The following PLEKHA8 variants were observed in gnomAD, a reference collection of about 807,000 sequenced individuals.
PLEKHA8 encodes pleckstrin homology domain containing A8.
PLEKHA8 carries 36 observed loss-of-function variants against 68.2 expected under a neutral mutation model. That is an observed-to-expected ratio of 0.53 (90% CI 0.40 to 0.70). PLEKHA8 has a LOEUF of 0.70. Among genes scored for constraint, PLEKHA8 ranks in the 30% least tolerant of loss-of-function variants. The pLI is 0.00. For synonymous variants in PLEKHA8, 211 were observed against 216.1 expected (o/e 0.98, Z 0.20); for missense variants, 505 against 615.4 (o/e 0.82, Z 1.90).
chr7:30,077,416 C>T (rs2127998331), intron 13 of PLEKHA8, among the ~76,000 whole-genome samples: 1 of 151,972 alleles, frequency 6.6e-6, no homozygotes, highest in East Asian at 1.9e-4. Context: ...TTCAGTTTTC[C>T]CACTCGCTTG....
intron 12 of PLEKHA8, among the ~76,000 whole-genome samples, chr7:30,067,627 T>A (rs1793946903): frequency 6.6e-6 from 1 of 152,228 alleles, no homozygotes; most frequent in Non-Finnish European, 1.5e-5. Flanking sequence ...TTTGCGTAGT[T>A]CATTATGTAA....
intron 12 of PLEKHA8, among the ~76,000 whole-genome samples, chr7:30,064,584 C>T (rs942984296): frequency 7.9e-5 from 12 of 152,122 alleles, no homozygotes; most frequent in East Asian, 5.8e-4. Flanking sequence ...AATGCTCAGT[C>T]GTCAAGATTA....
At chr7:30,060,069 G>T (rs535257340) in intron 9 of PLEKHA8, among the ~76,000 whole-genome samples, 1 of 151,922 alleles carries the variant, frequency 6.6e-6, no homozygotes, top group Non-Finnish European at 1.5e-5. Flanking sequence ...CCAGGGAGTC[G>T]GAGGTTGCAG....
chr7:30,104,985 C>T (rs1221069260), intron 13 of PLEKHA8, among the ~76,000 whole-genome samples: 1 of 151,986 alleles, frequency 6.6e-6, no homozygotes, highest in African/African-American at 2.4e-5. Flanking sequence ...CTCAGCCTCC[C>T]AGAGTGCTGG....
intron 13 of PLEKHA8, among the ~76,000 whole-genome samples, chr7:30,128,180 C>T (rs1796813127): frequency 6.6e-6 from 1 of 151,200 alleles, no homozygotes; most frequent in Non-Finnish European, 1.5e-5. Context: ...GATCACGGCT[C>T]ACTGCAGACT....
chr7:30,055,651 G>GA (rs1437236574), intron 9 of PLEKHA8, among the ~76,000 whole-genome samples: 6 of 151,324 alleles, frequency 4.0e-5, no homozygotes, highest in African/African-American at 1.5e-4. Context: ...TTGGCACTGT[G>GA]AAAAAATGTG....
intron 13 of PLEKHA8, among the ~76,000 whole-genome samples, chr7:30,125,390 A>G (rs1429148176): frequency 6.6e-6 from 1 of 152,152 alleles, no homozygotes; most frequent in Non-Finnish European, 1.5e-5. Flanking sequence ...GACATTTTTT[A>G]TTTACAATGA....
Position 30,083,016 on chromosome 7 carries a change from T to G in PLEKHA8, c.*4229T>G. On this transcript the variant is annotated 3_prime_UTR_variant, in exon 14 of 14. Transcript: ENST00000449726. ...TTTACAAGTATTCAGCTCTCCCTCA[T>G]GTTTCATTTCTTTTTTTAAGATAAT... 1.0e-6 allele frequency: 1 copy of G among 984,930 alleles called. No homozygotes were observed. Among genetic ancestry groups the G allele is most frequent in the Non-Finnish European group, 1.2e-6 (1 of 829,482 alleles). The allele number at this position is 984,930 out of a possible 1,614,324, so 61.0% of individuals were successfully genotyped here.
At chr7:30,091,478 T>C (rs1795414605), downstream of PLEKHA8, among the ~76,000 whole-genome samples, 1 of 151,000 alleles carries the variant, frequency 6.6e-6, no homozygotes, top group Non-Finnish European at 1.5e-5. Flanking sequence ...TCTCACTACA[T>C]TTTTTTTTCG....
chr7:30,028,863 AG>A, intron 1 of PLEKHA8, 61 bp downstream of exon 1: 1 of 1,244,616 alleles, frequency 8.0e-7, no homozygotes. Flanking sequence ...GCGCGGCTGG[AG>A]GGCGGTGTCT....
At chr7:30,122,781 G>T (rs1796715051) in intron 13 of PLEKHA8, among the ~76,000 whole-genome samples, 1 of 152,130 alleles carries the variant, frequency 6.6e-6, no homozygotes, top group African/African-American at 2.4e-5. Flanking sequence ...TCCTCCACAT[G>T]CCAGGAGAAG....
chr7:30,046,705 A>T (rs1791990908), intron 3 of PLEKHA8, among the ~76,000 whole-genome samples: 2 of 152,232 alleles, frequency 1.3e-5, no homozygotes, highest in South Asian at 2.1e-4. Context: ...CCTTAGGAGG[A>T]TTACCATGAG....
At chr7:30,061,726 T>C (rs191306901) in intron 10 of PLEKHA8, among the ~76,000 whole-genome samples, 171 bp from the exon 11 acceptor site, 2 of 152,308 alleles carry the variant, frequency 1.3e-5, no homozygotes, top group East Asian at 1.9e-4. Context: ...TTAAGCTACA[T>C]AGAATTCTCC....
chr7:30,045,422 C>G (rs117522957), intron 2 of PLEKHA8, among the ~76,000 whole-genome samples: 1 of 152,132 alleles, frequency 6.6e-6, no homozygotes, highest in East Asian at 1.9e-4. Flanking sequence ...ATGAGAGCAA[C>G]GTGTTTCACT....
At chr7:30,049,119 G>A in intron 4 of PLEKHA8, 105 bp from the exon 5 acceptor site, 1 of 1,306,774 alleles carries the variant, frequency 7.7e-7, no homozygotes, top group Non-Finnish European at 1.1e-6. Context: ...TTCAGCAGGT[G>A]GGTACATTAT....
Position 30,081,612 on chromosome 7 carries a change from G to A in PLEKHA8, c.*2825G>A. The A allele has an allele frequency of 1.0e-6, 1 of 985,290 alleles. No individual in the cohort carries two copies. Among genetic ancestry groups the A allele is most frequent in the Non-Finnish European group, 1.2e-6 (1 of 829,822 alleles). 61.0% of individuals were successfully genotyped at this position (985,290 alleles called of 1,614,324 possible). On this transcript the variant is annotated 3_prime_UTR_variant, in exon 14 of 14. Coordinates refer to ENST00000449726, the MANE Select transcript of PLEKHA8 (RefSeq NM_001197026.2). ...TTTACTTTCACCATTACTGTGAGAG[G>A]AGGTGAGAAAACTCTAGTATTTTGT... is the stretch of plus-strand genomic sequence containing the variant.
downstream of PLEKHA8, among the ~76,000 whole-genome samples, chr7:30,085,170 C>T (rs1795133479): frequency 6.6e-6 from 1 of 152,082 alleles, no homozygotes. Flanking sequence ...AACTTCTGGC[C>T]TCAAGTGATC....
chr7:30,076,778 CAAGTCATGCCTACTTTGGAA>C lies in PLEKHA8; in HGVS notation c.1363-1811_1363-1792del, dbSNP rs1438912246. Among the ~76,000 whole-genome samples the C allele has an allele frequency of 5.9e-5, 9 of 152,290 alleles. No individual in the cohort carries two copies. In the East Asian group the frequency reaches 9.6e-4, roughly 16 times the overall value. On this transcript the variant is annotated intron_variant, in intron 13 of 13. Transcript: ENST00000449726. ...TTGGCCTTTTCACCCTATTACTCTC[CAAGTCATGCCTACTTTGGAA>C]GGTTTATAAGTTTTCTAACATGCTA...
At chr7:30,042,478 C>A (rs148965024) in intron 1 of PLEKHA8, among the ~76,000 whole-genome samples, 2 of 152,248 alleles carry the variant, frequency 1.3e-5, no homozygotes, top group Admixed American at 1.3e-4. Context: ...GTGTTCACAC[C>A]AACCAGCATC....
Sources: allele counts gnomAD v4.1 joint callset (sites outside exome capture counted in the v4.1 genomes callset), GRCh38; gene constraint gnomAD v4.1.1; transcripts MANE v1.5; gene names NCBI Gene and HGNC (gene_info 2026-07-23, HGNC 2026-07-21).